Variants in GLIS3 observed in about 807,000 individuals in gnomAD.
GLIS3 encodes the protein GLIS family zinc finger 3.
In GLIS3, 53 loss-of-function variants were observed where a neutral mutation model predicts 78.6. The ratio of observed to expected loss-of-function variants is 0.67; its 90% CI spans 0.54 to 0.85. GLIS3 has a LOEUF of 0.85. Ranked by LOEUF, GLIS3 falls within the 40% of genes least tolerant of loss-of-function variation. GLIS3 has a pLI of 0.00. For missense variants in GLIS3, 1,703 were observed against 1,231.1 expected, an observed-to-expected ratio of 1.38 and a Z score of -5.74; for synonymous variants, 684 against 509.9, an observed-to-expected ratio of 1.34 and a Z score of -4.60.
chr9:3,933,005 G>GA (rs1563865195), intron 5 of GLIS3: 1 of 231,440 alleles, frequency 4.3e-6, no homozygotes, highest in Admixed American at 4.7e-5. Flanking sequence ...ACAGACACGT[G>GA]AAAAATCTTC....
intron 2 of GLIS3, among the ~76,000 whole-genome samples, chr9:4,332,774 A>G (rs1817704245): frequency 6.6e-6 from 1 of 152,236 alleles, no homozygotes; most frequent in Admixed American, 6.5e-5. Context: ...ATACAAATGT[A>G]CATAGGTGTT....
chr9:4,417,889 A>T, the GLIS3 span, among the ~76,000 whole-genome samples: 1 of 152,110 alleles, frequency 6.6e-6, no homozygotes, highest in Non-Finnish European at 1.5e-5. Context: ...TTTATTTTGT[A>T]ATGTGGATTG....
chr9:4,047,753 T>C (rs1411299061), intron 4 of GLIS3, among the ~76,000 whole-genome samples: 2 of 152,174 alleles, frequency 1.3e-5, no homozygotes, highest in Non-Finnish European at 2.9e-5. Flanking sequence ...AAGGGAACCC[T>C]AGTTGATTCA....
chr9:4,387,376 C>A, the GLIS3 span, among the ~76,000 whole-genome samples: 1 of 152,142 alleles, frequency 6.6e-6, no homozygotes, highest in Non-Finnish European at 1.5e-5. Flanking sequence ...CTTAGTGCCA[C>A]TCTCAGTTAC....
intron 6 of GLIS3, among the ~76,000 whole-genome samples, chr9:3,927,597 A>G (rs933437496): frequency 3.3e-5 from 5 of 152,240 alleles, no homozygotes; most frequent in African/African-American, 1.2e-4. Flanking sequence ...ATATCTTTCG[A>G]TATTTTTCTG....
intron 2 of GLIS3, among the ~76,000 whole-genome samples, chr9:4,138,600 G>A (rs142678623): frequency 8.5e-5 from 13 of 152,260 alleles, no homozygotes; most frequent in Admixed American, 5.2e-4. Flanking sequence ...TATTATGGAG[G>A]CAGCATGGGG....
At chr9:3,993,904 G>C (rs760592811) in intron 4 of GLIS3, among the ~76,000 whole-genome samples, 3 of 152,024 alleles carry the variant, frequency 2.0e-5, no homozygotes, top group African/African-American at 4.8e-5. Context: ...AGAAAATTTT[G>C]CCTTATCTTT....
intron 4 of GLIS3, among the ~76,000 whole-genome samples, chr9:3,979,816 G>A (rs1333507606): frequency 6.6e-6 from 1 of 152,158 alleles, no homozygotes; most frequent in Non-Finnish European, 1.5e-5. Context: ...TAATTATTAA[G>A]TTCCAGATGG....
At chr9:4,383,181 A>C in the GLIS3 span, among the ~76,000 whole-genome samples, 4 of 152,240 alleles carry the variant, frequency 2.6e-5, no homozygotes, top group African/African-American at 7.2e-5. Context: ...CCCAAGGCCT[A>C]AGATTTCATT....
rs554943772 is a variant in GLIS3 at position 4,189,045 on chromosome 9, G to A, written c.389-63104C>T. ...ATTTCTTGCCTTCTGCTAGCTTTTG[G>A]ATGTGTTTGCTCTTGCTTTTCTAGT... On this transcript the variant is annotated intron_variant, in intron 2 of 10. Coordinates refer to ENST00000381971, the MANE Select transcript of GLIS3 (RefSeq NM_001042413.2). Among the ~76,000 whole-genome samples, 12 of 151,878 alleles carry A rather than the reference G, an allele frequency of 7.9e-5. No individual in the cohort carries two copies. In the South Asian group the frequency reaches 1.3e-3, roughly 16 times the overall value.
At chr9:3,879,126 T>G (rs965257049) in intron 8 of GLIS3, among the ~76,000 whole-genome samples, 18 of 152,098 alleles carry the variant, frequency 1.2e-4, no homozygotes, top group African/African-American at 4.3e-4. Context: ...TACCTTAAAA[T>G]TGGGTCTCTG....
intron 4 of GLIS3, among the ~76,000 whole-genome samples, chr9:4,089,816 A>G (rs1318956): frequency 0.031 from 4,648 of 152,296 alleles, 241 homozygotes; most frequent in African/African-American, 0.11. Flanking sequence ...AGACCCTGAC[A>G]AAAACAACAA....
chr9:4,269,026 T>C (rs528084445), intron 2 of GLIS3, among the ~76,000 whole-genome samples: 3 of 152,358 alleles, frequency 2.0e-5, no homozygotes, highest in African/African-American at 7.2e-5. Context: ...GCAGCCTCTT[T>C]CCCTGACTGG....
chr9:4,392,261 G>C, the GLIS3 span, among the ~76,000 whole-genome samples: 1 of 151,884 alleles, frequency 6.6e-6, no homozygotes, highest in South Asian at 2.1e-4. Context: ...TCGGGGGAGG[G>C]AGAACATCAG....
rs1405525166 is a variant in GLIS3, at chr9:4,286,421, T to A, written c.5A>T (p.Asn2Ile). 2.6e-5 allele frequency: 42 copies of A among 1,613,896 alleles called. No individual in the cohort carries two copies. The highest frequency in any genetic ancestry group is 3.4e-5 in the Non-Finnish European group (40 of 1,180,050). Residue 2 changes from asparagine (N) to isoleucine (I), a missense_variant, in exon 2 of 11, where the codon AAT becomes ATT. Asn to Ile is a moderately radical substitution (Grantham distance 149, BLOSUM62 -3). Transcript: ENST00000381971. Reference sequence around the variant, plus strand: ...GAGACTCATGCTGCATGATCTTCCATTCATTCTGAAAAACCTGTGGCCAAG... The same window carrying A: ...GAGACTCATGCTGCATGATCTTCCAATCATTCTGAAAAACCTGTGGCCAAG... M[N>I]GRSCSMSLHR...
chr9:4,309,838 T>C (rs902321207), intron 3 of GLIS3, among the ~76,000 whole-genome samples: 2 of 152,160 alleles, frequency 1.3e-5, no homozygotes, highest in Non-Finnish European at 2.9e-5. Flanking sequence ...GAAAGAGACA[T>C]GTGAGACAAG....
chr9:4,291,181 T>C (rs1436535445), intron 1 of GLIS3, among the ~76,000 whole-genome samples: 9 of 152,148 alleles, frequency 5.9e-5, no homozygotes, highest in Non-Finnish European at 1.3e-4. Flanking sequence ...ATATTTATTC[T>C]GAACACCAAG....
At chr9:4,468,929 G>A in the GLIS3 span, among the ~76,000 whole-genome samples, 2 of 152,100 alleles carry the variant, frequency 1.3e-5, no homozygotes, top group African/African-American at 2.4e-5. Context: ...TCAAAATAAA[G>A]GGATGGAGGA....
intron 2 of GLIS3, among the ~76,000 whole-genome samples, chr9:4,282,026 TATAA>T (rs1431677221): frequency 9.0e-4 from 137 of 152,316 alleles, no homozygotes; most frequent in Non-Finnish European, 1.8e-4. Context: ...TTTTAAATAA[TATAA>T]ATAATATCAA....
Sources: gnomAD v4.1 joint callset for allele counts (sites outside exome capture counted in the v4.1 genomes callset) on GRCh38, gnomAD v4.1.1 for gene constraint, MANE v1.5 for transcripts, NCBI Gene and HGNC (gene_info 2026-07-23, HGNC 2026-07-21) for gene names.